ULK4: variants seen among roughly 807,000 people sequenced by gnomAD.
The protein encoded by ULK4 is unc-51 like kinase 4.
Under a neutral mutation model 160.6 loss-of-function variants are expected in ULK4, and 133 were observed. The ratio of observed to expected loss-of-function variants is 0.83; its 90% CI spans 0.72 to 0.96. The LOEUF is 0.96. ULK4 is among the 40% of genes least tolerant of loss of function. The pLI is 0.00. For synonymous variants in ULK4, 534 were observed against 539.8 expected, an observed-to-expected ratio of 0.99 and a Z score of 0.15; for missense variants, 1,580 against 1,499.5, an observed-to-expected ratio of 1.05 and a Z score of -0.89.
chr3:41,502,198 C>T (rs193102032), intron 32 of ULK4, among the ~76,000 whole-genome samples: 3 of 152,218 alleles, frequency 2.0e-5, no homozygotes, highest in Admixed American at 2.0e-4. Flanking sequence ...ATTTCATTTC[C>T]GTTGGATATA....
intron 20 of ULK4, among the ~76,000 whole-genome samples, chr3:41,793,846 A>G (rs931467120): frequency 7.9e-5 from 12 of 152,174 alleles, no homozygotes; most frequent in African/African-American, 2.9e-4. Context: ...ACTCCTTCCA[A>G]CTACCAATAC....
chr3:41,520,202 T>A (rs1559669926), intron 32 of ULK4, among the ~76,000 whole-genome samples: 1 of 152,160 alleles, frequency 6.6e-6, no homozygotes, highest in Non-Finnish European at 1.5e-5. Context: ...CCCACTAAAC[T>A]GTACCTCCCC....
chr3:41,878,674 T>C (rs1394761759), intron 17 of ULK4, among the ~76,000 whole-genome samples: 4 of 85,432 alleles, frequency 4.7e-5, no homozygotes, highest in Admixed American at 1.3e-4. Flanking sequence ...GTTAAAACTG[T>C]TAAAAAAAAA....
chr3:41,695,216 G>C (rs7635364), intron 27 of ULK4, among the ~76,000 whole-genome samples: 29,353 of 152,224 alleles, frequency 0.19, 7,427 homozygotes, highest in African/African-American at 0.59. Context: ...CCTCTTAATA[G>C]TATGACATTG....
chr3:41,819,286 G>A (rs2041063568), intron 19 of ULK4, 137 bp downstream of exon 19: 3 of 698,000 alleles, frequency 4.3e-6, no homozygotes, highest in South Asian at 3.2e-5. Context: ...CTCATGGTAG[G>A]TTGTCGGGAT....
intron 22 of ULK4, among the ~76,000 whole-genome samples, chr3:41,739,941 AT>A (rs1184841251): frequency 6.6e-6 from 1 of 151,936 alleles, no homozygotes; most frequent in Non-Finnish European, 1.5e-5. Flanking sequence ...ACTATTATAT[AT>A]GATGCAAAAT....
At chr3:41,911,076 G>T (rs1042433234) in intron 11 of ULK4, among the ~76,000 whole-genome samples, 1 of 152,198 alleles carries the variant, frequency 6.6e-6, no homozygotes, top group Non-Finnish European at 1.5e-5. Context: ...ATAATGAGTT[G>T]CTTTGGTAAA....
chr3:41,663,796 A>T, intron 29 of ULK4, 97 bp from the exon 30 acceptor site: 1 of 1,025,860 alleles, frequency 9.7e-7, no homozygotes. Context: ...AGCTTAAGAC[A>T]GAAAGATATT....
chr3:41,482,853 G>T (rs965966489), intron 32 of ULK4, among the ~76,000 whole-genome samples: 5 of 152,024 alleles, frequency 3.3e-5, no homozygotes, highest in African/African-American at 9.7e-5. Flanking sequence ...GTGTTGTTCA[G>T]ATTTTTTTAA....
chr3:41,794,688 AC>A (rs2040252847), intron 20 of ULK4, among the ~76,000 whole-genome samples: 9 of 111,048 alleles, frequency 8.1e-5, no homozygotes, highest in Admixed American at 2.7e-4. Context: ...AAAAAAAAAC[AC>A]AGAAAAAAAA....
chr3:41,863,655 A>T (rs541345684), intron 17 of ULK4, among the ~76,000 whole-genome samples: 2 of 151,968 alleles, frequency 1.3e-5, no homozygotes, highest in Non-Finnish European at 2.9e-5. Flanking sequence ...TCTTCGGTTC[A>T]CAGGTAATGA....
At chr3:41,961,904 G>A (rs1404030719) in intron 1 of ULK4, 112 bp downstream of exon 1, 1 of 152,630 alleles carries the variant, frequency 6.6e-6, no homozygotes, top group Non-Finnish European at 1.5e-5. Context: ...AGGAGAGAGG[G>A]CGGCCAGGCG....
At chr3:41,907,432 G>A (rs1300610878) in intron 12 of ULK4, among the ~76,000 whole-genome samples, 1 of 151,870 alleles carries the variant, frequency 6.6e-6, no homozygotes, top group East Asian at 1.9e-4. Flanking sequence ...ATGTGGCTAG[G>A]GCTACAGGTG....
intron 32 of ULK4, among the ~76,000 whole-genome samples, chr3:41,505,337 T>TGCTG (rs2085340226): frequency 6.6e-6 from 1 of 152,120 alleles, no homozygotes; most frequent in Non-Finnish European, 1.5e-5. Flanking sequence ...AAGATTAATT[T>TGCTG]GCTGCCTGGT....
At chr3:41,543,653 G>C (rs2086766060) in intron 32 of ULK4, among the ~76,000 whole-genome samples, 1 of 151,980 alleles carries the variant, frequency 6.6e-6, no homozygotes, top group Non-Finnish European at 1.5e-5. Context: ...TTAACAGTTT[G>C]TCTTTCTAGA....
intron 32 of ULK4, among the ~76,000 whole-genome samples, chr3:41,553,728 G>A (rs2087168275): frequency 6.6e-6 from 1 of 151,938 alleles, no homozygotes; most frequent in East Asian, 1.9e-4. Flanking sequence ...TATTTATGGG[G>A]TACATAAGAT....
chr3:41,828,918 A>C (rs1260865911), intron 18 of ULK4, among the ~76,000 whole-genome samples: 1 of 151,930 alleles, frequency 6.6e-6, no homozygotes, highest in Non-Finnish European at 1.5e-5. Flanking sequence ...ACGGTAACCA[A>C]AACAGCATGG....
intron 35 of ULK4, among the ~76,000 whole-genome samples, chr3:41,374,053 C>T (rs1417858633): frequency 1.3e-5 from 2 of 152,134 alleles, no homozygotes; most frequent in East Asian, 1.9e-4. Flanking sequence ...TGGATAAATT[C>T]CTGGACACAT....
At chr3:41,675,149 A>G (rs1039107494) in intron 29 of ULK4, among the ~76,000 whole-genome samples, 1 of 152,078 alleles carries the variant, frequency 6.6e-6, no homozygotes, top group Non-Finnish European at 1.5e-5. Flanking sequence ...CTGAGGCAGG[A>G]GAATCGCCTG....
Sources: allele counts gnomAD v4.1 joint callset (sites outside exome capture counted in the v4.1 genomes callset), GRCh38; gene constraint gnomAD v4.1.1; transcripts MANE v1.5; gene names NCBI Gene and HGNC (gene_info 2026-07-23, HGNC 2026-07-21).